ZFYVE9: variants seen among roughly 807,000 people sequenced by gnomAD.
ZFYVE9 encodes the protein zinc finger FYVE domain-containing protein 9.
In ZFYVE9, 43 loss-of-function variants were observed where a neutral mutation model predicts 126.7. The ratio of observed to expected loss-of-function variants is 0.34; its 90% confidence interval spans 0.27 to 0.44. The LOEUF is 0.44. ZFYVE9 is among the 20% of genes least tolerant of loss of function. The pLI is 1.00. For synonymous variants in ZFYVE9, 521 were observed against 597.4 expected, an observed-to-expected ratio of 0.87 and a Z score of 1.87; for missense variants, 1,476 against 1,697.0, an observed-to-expected ratio of 0.87 and a Z score of 2.29.
At chr1:52,283,022 A>T (rs1313795883) in intron 10 of ZFYVE9, among the ~76,000 whole-genome samples, 1 of 152,168 alleles carries the variant, frequency 6.6e-6, no homozygotes, top group African/African-American at 2.4e-5. Context: ...GGGCAAGGTG[A>T]TACATTGGAA....
intron 15 of ZFYVE9, among the ~76,000 whole-genome samples, chr1:52,335,948 A>T (rs1646384631): frequency 6.6e-6 from 1 of 152,172 alleles, no homozygotes; most frequent in African/African-American, 2.4e-5. Context: ...AGCCTGGCCG[A>T]CATGGTGAAA....
intron 1 of ZFYVE9, among the ~76,000 whole-genome samples, chr1:52,193,640 G>A (rs933301599): frequency 7.0e-6 from 1 of 142,016 alleles, no homozygotes; most frequent in Admixed American, 7.7e-5. Flanking sequence ...CGGGAAGAAG[G>A]AGGTTGCAGT....
intron 1 of ZFYVE9, among the ~76,000 whole-genome samples, chr1:52,211,351 T>G (rs1016374596): frequency 6.6e-6 from 1 of 152,094 alleles, no homozygotes; most frequent in Non-Finnish European, 1.5e-5. Flanking sequence ...ACAATCACAT[T>G]AAAAAATCAT....
chr1:52,239,506 G>A lies in ZFYVE9; in HGVS notation c.2089G>A (p.Val697Ile), dbSNP rs1286133675. Residue 697 changes from valine to isoleucine, a missense_variant, in exon 4 of 19, where the codon GTA becomes ATA. Val to Ile is a conservative substitution (Grantham distance 29, BLOSUM62 3). Around this residue, in one of 2 missense-constraint regions of ZFYVE9, gnomAD observed 669 missense variants for 902.4 expected, o/e 0.74. Coordinates refer to ENST00000287727, the MANE Select transcript of ZFYVE9 (RefSeq NM_004799.4). ...TTLGEVAPVW[V>I]PDSQAPNCMK... ...TCTGGGTGAGGTGGCTCCAGTATGG[G>A]TACCGGATTCTCAGGCTCCAAATTG... The A allele has an allele frequency of 1.2e-6, 2 of 1,614,104 alleles. No homozygotes were observed. Among genetic ancestry groups the A allele is most frequent in the East Asian group, 2.2e-5 (1 of 44,882 alleles).
intron 4 of ZFYVE9, chr1:52,253,914 AG>A (rs559780435): frequency 4.6e-4 from 482 of 1,039,976 alleles, no homozygotes; most frequent in Admixed American, 1.0e-3. Flanking sequence ...CAGCCAAAGT[AG>A]GAAATAATTT....
At chr1:52,286,862 C>T (rs1337914154) in intron 10 of ZFYVE9, among the ~76,000 whole-genome samples, 2 of 152,068 alleles carry the variant, frequency 1.3e-5, no homozygotes, top group East Asian at 3.9e-4. Flanking sequence ...TCCATTGTAG[C>T]CAAACAAAAC....
At chr1:52,175,394 C>T (rs940380590) in intron 1 of ZFYVE9, among the ~76,000 whole-genome samples, 30 of 151,856 alleles carry the variant, frequency 2.0e-4, no homozygotes, top group African/African-American at 5.8e-4. Context: ...TGATGGGCTT[C>T]CCTTTGTGGG....
chr1:52,181,437 C>T (rs967837071), intron 1 of ZFYVE9, among the ~76,000 whole-genome samples: 19 of 152,358 alleles, frequency 1.2e-4, no homozygotes, highest in African/African-American at 4.3e-4. Context: ...TCGCTACAAT[C>T]TCCACCTCCC....
intron 7 of ZFYVE9, among the ~76,000 whole-genome samples, chr1:52,269,085 C>T (rs1041127455): frequency 6.6e-6 from 1 of 152,204 alleles, no homozygotes; most frequent in Non-Finnish European, 1.5e-5. Context: ...TGAACCTACA[C>T]TGACACATCG....
At chr1:52,310,024 A>G (rs944071791) in intron 13 of ZFYVE9, among the ~76,000 whole-genome samples, 3 of 152,110 alleles carry the variant, frequency 2.0e-5, no homozygotes, top group Admixed American at 2.0e-4. Context: ...GCTGGAGTAC[A>G]GTGGTGGTGT....
chr1:52,231,343 C>A (rs917218060), intron 2 of ZFYVE9, among the ~76,000 whole-genome samples: 42 of 152,038 alleles, frequency 2.8e-4, no homozygotes, highest in African/African-American at 9.9e-4. Context: ...CATGGTGAAA[C>A]CCTGTCTCTA....
At chr1:52,156,025 A>G (rs1045364173) in intron 1 of ZFYVE9, among the ~76,000 whole-genome samples, 6 of 152,192 alleles carry the variant, frequency 3.9e-5, no homozygotes, top group African/African-American at 9.6e-5. Flanking sequence ...TCATCTTGCA[A>G]GATCAACATG....
intron 13 of ZFYVE9, among the ~76,000 whole-genome samples, chr1:52,324,198 A>T (rs141574762): frequency 6.6e-6 from 1 of 151,940 alleles, no homozygotes; most frequent in African/African-American, 2.4e-5. Context: ...GCAGTAAGCT[A>T]TGATTATGCC....
At chr1:52,337,053 T>G (rs1258584541) in intron 15 of ZFYVE9, among the ~76,000 whole-genome samples, 4 of 152,172 alleles carry the variant, frequency 2.6e-5, no homozygotes, top group African/African-American at 9.7e-5. Context: ...CTTGGGAATT[T>G]CTTGGGTCTT....
At chr1:52,172,310 T>C (rs550963933) in intron 1 of ZFYVE9, among the ~76,000 whole-genome samples, 26 of 152,314 alleles carry the variant, frequency 1.7e-4, no homozygotes, top group African/African-American at 5.5e-4. Context: ...CAGATAGTTG[T>C]AGATATGCGG....
rs186374608 is a variant in ZFYVE9 at position 52,181,314 on chromosome 1, A to G, written c.-142-35055A>G. Among the ~76,000 whole-genome samples the G allele has an allele frequency of 3.5e-3, 536 of 152,338 alleles. 1 individual carries two copies. In the East Asian group the frequency reaches 0.037, roughly 11 times the overall value. ...TGGCCGGGCTGGTCTCCAGCTCCTA[A>G]CTGCGAGTGATCCGCCAGCCTCGGC... On this transcript the variant is annotated intron_variant, in intron 1 of 18. Transcript: ENST00000287727.
At chr1:52,203,650 A>C (rs1644946679) in intron 1 of ZFYVE9, among the ~76,000 whole-genome samples, 1 of 151,290 alleles carries the variant, frequency 6.6e-6, no homozygotes, top group African/African-American at 2.4e-5. Context: ...TTTTAGTTAC[A>C]AGTATTTTTT....
At chr1:52,148,542 T>C (rs888944971) in intron 1 of ZFYVE9, among the ~76,000 whole-genome samples, 2 of 152,150 alleles carry the variant, frequency 1.3e-5, no homozygotes, top group African/African-American at 4.8e-5. Context: ...AACAGTGAAC[T>C]CTGGTTAATA....
At chr1:52,178,371 G>T (rs7548014) in intron 1 of ZFYVE9, among the ~76,000 whole-genome samples, 1 of 136,792 alleles carries the variant, frequency 7.3e-6, no homozygotes, top group Admixed American at 8.0e-5. Flanking sequence ...TCGCACTATC[G>T]CCCAGGCAGG....
Sources: gnomAD v4.1 joint callset for allele counts (sites outside exome capture counted in the v4.1 genomes callset) on GRCh38, gnomAD v4.1.1 for gene constraint, gnomAD v4.1.1 regional missense constraint, MANE v1.5 for transcripts, NCBI Gene and HGNC (gene_info 2026-07-23, HGNC 2026-07-21) for gene names.